The following OAS1 variants were observed in gnomAD, a reference collection of about 807,000 sequenced individuals.
OAS1 encodes the protein 2'-5'-oligoadenylate synthetase 1.
A neutral mutation model predicts 38.5 loss-of-function variants in OAS1; 24 were observed. The observed-to-expected ratio is 0.62, with a 90% CI of 0.45 to 0.88. The LOEUF is 0.88. OAS1 is among the 40% of genes least tolerant of loss of function. OAS1 has a pLI of 0.00. For missense variants in OAS1, 482 were observed against 493.9 expected (o/e 0.98, Z 0.23); for synonymous variants, 169 against 193.9 (o/e 0.87, Z 1.07).
chr12:112,910,947 CA>C, intron 2 of OAS1, 103 bp from the exon 3 acceptor site: 1 of 1,073,688 alleles, frequency 9.3e-7, no homozygotes, highest in Non-Finnish European at 1.4e-6. Context: ...GGGTCTGCTG[CA>C]CTTTTCAATC....
chr12:112,909,810 A>G (rs2043351086), intron 2 of OAS1, among the ~76,000 whole-genome samples: 1 of 152,232 alleles, frequency 6.6e-6, no homozygotes. Flanking sequence ...CATCTGTCAC[A>G]CACCGCACAA....
chr12:112,927,537 C>T (rs1021626564), intron 6 of OAS1, among the ~76,000 whole-genome samples: 49 of 152,258 alleles, frequency 3.2e-4, no homozygotes, highest in African/African-American at 8.9e-4. Context: ...TTGTTCTCTC[C>T]CACAAATGGC....
intron 6 of OAS1, among the ~76,000 whole-genome samples, chr12:112,931,396 A>G (rs1402812200): frequency 6.6e-6 from 1 of 152,202 alleles, no homozygotes; most frequent in Non-Finnish European, 1.5e-5. Context: ...CATCGAGCTA[A>G]TTTCCTAACC....
intron 3 of OAS1, among the ~76,000 whole-genome samples, chr12:112,914,051 A>G (rs2043421505): frequency 6.6e-6 from 1 of 152,144 alleles, no homozygotes; most frequent in African/African-American, 2.4e-5. Context: ...AACAGTGTAC[A>G]TTGTACCCAA....
chr12:112,927,283 A>T (rs1038209585), intron 6 of OAS1, among the ~76,000 whole-genome samples: 2 of 152,170 alleles, frequency 1.3e-5, no homozygotes, highest in African/African-American at 4.8e-5. Context: ...AAATCTTCAC[A>T]ATTTATGTTC....
chr12:112,920,091 T>C (rs921301284), downstream of OAS1, among the ~76,000 whole-genome samples: 4 of 152,224 alleles, frequency 2.6e-5, no homozygotes, highest in African/African-American at 9.6e-5. Context: ...CCTGTCCTCA[T>C]GACCCTGCAG....
chr12:112,908,380 A>G (rs901864828), intron 1 of OAS1, among the ~76,000 whole-genome samples, 156 bp from the exon 2 acceptor site: 11 of 152,330 alleles, frequency 7.2e-5, no homozygotes, highest in Middle Eastern at 3.4e-3. Flanking sequence ...TGGCATCCAA[A>G]TCATAGCATC....
At position 112,919,246 on chromosome 12, in the gene OAS1, A is replaced by G. The variant is rs558346842; in HGVS notation, c.1039-143A>G. The G allele has an allele frequency of 1.3e-4, 96 of 757,298 alleles. No homozygotes were observed. In the East Asian group the frequency reaches 2.5e-3, roughly 19 times the overall value. 46.9% of individuals were successfully genotyped at this position (757,298 alleles called of 1,614,324 possible). A position where few individuals can be genotyped will look rare whatever the true frequency, so the allele number is the denominator to read the frequency against. The stretch of plus-strand genomic sequence containing the variant: ...GACGGCTGAAGTCTGTCTGCTGACC[A>G]CTGTCCCAGCAGCTGGGGCTTGTTA... On this transcript the variant is annotated intron_variant, in intron 5 of 5. Coordinates refer to ENST00000202917, the MANE Select transcript of OAS1 (RefSeq NM_016816.4).
intron 2 of OAS1, 63 bp downstream of exon 2, chr12:112,908,887 T>G (rs767300544): frequency 6.6e-7 from 1 of 1,516,764 alleles, no homozygotes; most frequent in Non-Finnish European, 8.8e-7. Context: ...TCCCACAGTT[T>G]GAGAGCTTTT....
Position 112,907,121 on chromosome 12 carries a change from A to G in OAS1, c.82A>G (p.Met28Val). The change falls in exon 1 of 6, where the codon ATG becomes GTG. Residue 28 changes from methionine (M) to valine (V), a missense_variant. Met to Val is a conservative substitution (Grantham distance 21). Coordinates refer to ENST00000202917, the MANE Select transcript of OAS1 (RefSeq NM_016816.4). The stretch of plus-strand genomic sequence containing the variant: ...TCTCTTGCCAGACACGTGTTTCCGC[A>G]TGCAAATCAACCATGCCATTGACAT... ...DYLLPDTCFR[M>V]QINHAIDIIC... 1.9e-6 allele frequency: 3 copies of G among 1,614,244 alleles called. No individual in the cohort carries two copies. Among genetic ancestry groups the G allele is most frequent in the South Asian group, 2.2e-5 (2 of 91,082 alleles).
At chr12:112,910,791 G>A (rs2043365240) in intron 2 of OAS1, among the ~76,000 whole-genome samples, 1 of 152,160 alleles carries the variant, frequency 6.6e-6, no homozygotes, top group South Asian at 2.1e-4. Context: ...TTCTCTAGGT[G>A]CCAGGTTGAG....
At chr12:112,911,364 A>C in intron 3 of OAS1, 129 bp downstream of exon 3, 1 of 694,356 alleles carries the variant, frequency 1.4e-6, no homozygotes, top group East Asian at 2.9e-5. Context: ...GAGGGATGGA[A>C]AAAGGAGAGA....
chr12:112,917,475 C>A, intron 4 of OAS1, 72 bp from the exon 5 acceptor site: 1 of 1,595,060 alleles, frequency 6.3e-7, no homozygotes, highest in South Asian at 1.1e-5. Context: ...ATTTTGCTCT[C>A]CCAGGAGCAT....
In OAS1 at chr12:112,908,718, C is replaced by A; in HGVS notation, c.363C>A (p.Val121=). 1 of 1,614,178 alleles carries A rather than the reference C, an allele frequency of 6.2e-7. No individual in the cohort carries two copies. The highest frequency in any genetic ancestry group is 8.5e-7 in the Non-Finnish European group (1 of 1,180,030). The part of the protein sequence containing the change: ...RERAFSVKFE[V]QAPRWGNPRA... ...GAGCATTTTCCGTGAAGTTTGAGGT[C>A]CAGGCTCCACGCTGGGGCAACCCCC... The change falls in exon 2 of 6, where the codon GTC becomes GTA. Residue 121 remains valine (V), a synonymous_variant. Coordinates refer to ENST00000202917, the MANE Select transcript of OAS1 (RefSeq NM_016816.4).
At chr12:112,932,111 C>T (rs931682032) in exon 7 of OAS1, 9 of 567,648 alleles carry the variant, frequency 1.6e-5, no homozygotes, top group African/African-American at 1.2e-4. Context: ...GCTTTCAATG[C>T]CCCATATGAA....
At chr12:112,918,047 A>C (rs1565964379) in intron 5 of OAS1, 1 of 723,292 alleles carries the variant, frequency 1.4e-6, no homozygotes, top group Non-Finnish European at 1.9e-6. Context: ...CATTTTTAAA[A>C]ATTTTTTATT....
chr12:112,932,081 T>C lies in OAS1; in HGVS notation c.*159T>C, dbSNP rs1041281668. ...CCCAACCTCTCTCTCTACTTAAAATTAGCATCTATTTCCAGCTCTGCTTTC... is the reference window on the plus strand; with the variant it reads ...CCCAACCTCTCTCTCTACTTAAAATCAGCATCTATTTCCAGCTCTGCTTTC... On this transcript the variant is annotated 3_prime_UTR_variant, in exon 7 of 7. Coordinates refer to the OAS1 transcript ENST00000540589. The C allele has an allele frequency of 2.9e-4, 170 of 593,392 alleles. No individual in the cohort carries two copies. In the African/African-American group the frequency reaches 3.0e-3, roughly 11 times the overall value. 36.8% of individuals were successfully genotyped at this position (593,392 alleles called of 1,614,324 possible).
At chr12:112,928,480 C>T (rs1039025481) in intron 6 of OAS1, among the ~76,000 whole-genome samples, 7 of 152,218 alleles carry the variant, frequency 4.6e-5, no homozygotes, top group African/African-American at 1.7e-4. Flanking sequence ...GATTGATGCT[C>T]ATGTGAGCAT....
At chr12:112,917,794 A>T (rs1416683088) in intron 5 of OAS1, 94 bp downstream of exon 5, 18 of 1,613,218 alleles carry the variant, frequency 1.1e-5, no homozygotes, top group East Asian at 2.2e-5. Flanking sequence ...CAAAGAACTT[A>T]CCTCTTGCCA....
Sources: allele counts gnomAD v4.1 joint callset (sites outside exome capture counted in the v4.1 genomes callset), GRCh38; gene constraint gnomAD v4.1.1; transcripts MANE v1.5; gene names NCBI Gene and HGNC (gene_info 2026-07-23, HGNC 2026-07-21).